The following ST7 variants were observed in gnomAD, a reference collection of about 807,000 sequenced individuals.
ST7 encodes suppression of tumorigenicity 7.
In ST7, 28 loss-of-function variants were observed where a neutral mutation model predicts 78.7. The ratio of observed to expected loss-of-function variants is 0.36; its 90% CI spans 0.26 to 0.49. The LOEUF (loss-of-function observed/expected upper bound fraction) is 0.49. ST7 is among the 20% of genes least tolerant of loss of function. The pLI, the probability that ST7 is intolerant of heterozygous loss-of-function variation, is 0.99. For synonymous variants in ST7, 247 were observed against 249.6 expected, an observed-to-expected ratio of 0.99 and a Z score of 0.10; for missense variants, 418 against 696.0, an observed-to-expected ratio of 0.60 and a Z score of 4.49.
At chr7:117,204,682 A>C (rs1264467998) in intron 12 of ST7, among the ~76,000 whole-genome samples, 3 of 152,116 alleles carry the variant, frequency 2.0e-5, no homozygotes, top group Admixed American at 6.6e-5. Flanking sequence ...TTATTCTCAG[A>C]ACTCCTTATT....
chr7:117,093,529 G>T lies in ST7; in HGVS notation c.152-6233G>T, dbSNP rs534041148. On this transcript the variant is annotated intron_variant, in intron 1 of 15. Coordinates refer to ENST00000323984, the MANE Select transcript of ST7 (RefSeq NM_001369598.1). ...TAGCCTGGTTAACATAGTGAAACCC[G>T]CATCTCTACTAAAACTTCAAAATTA... Among the ~76,000 whole-genome samples, 10 of 151,984 alleles carry T rather than the reference G, an allele frequency of 6.6e-5. 1 individual carries two copies. Among genetic ancestry groups the T allele is most frequent in the Admixed American group, 6.5e-4 (10 of 15,268 alleles).
chr7:116,978,341 G>A lies in ST7; in HGVS notation c.151+24650G>A, dbSNP rs1793797258. 2.0e-5 allele frequency among the ~76,000 whole-genome samples: 3 copies of A among 152,164 alleles called. No individual in the cohort carries two copies. In the South Asian group the frequency reaches 6.2e-4, roughly 32 times the overall value. On this transcript the variant is annotated intron_variant, in intron 1 of 15. Coordinates refer to ENST00000323984, the MANE Select transcript of ST7 (RefSeq NM_001369598.1). Reference sequence around the variant, plus strand: ...ACCAGCTTCCACAGGATTTGGAGAGGATGTATTCTACTTCTGGTATCTTAG... The same window carrying A: ...ACCAGCTTCCACAGGATTTGGAGAGAATGTATTCTACTTCTGGTATCTTAG...
intron 15 of ST7, among the ~76,000 whole-genome samples, chr7:117,227,586 C>T (rs927009011): frequency 6.6e-6 from 1 of 152,092 alleles, no homozygotes; most frequent in African/African-American, 2.4e-5. Flanking sequence ...TATGTATGTA[C>T]ACATATTATG....
At chr7:117,129,748 T>G in intron 3 of ST7, 45 bp from the exon 4 acceptor site, 1 of 1,466,976 alleles carries the variant, frequency 6.8e-7, no homozygotes, top group South Asian at 1.1e-5. Flanking sequence ...GCTTGTAGTG[T>G]CACTGAACTT....
chr7:117,217,288 G>GAAA lies in ST7; in HGVS notation c.1406-1787_1406-1785dup, dbSNP rs769471735. Among the ~76,000 whole-genome samples the GAAA allele has an allele frequency of 2.0e-4, 25 of 126,564 alleles. 1 individual carries two copies. The highest frequency in any genetic ancestry group is 7.2e-4 in the African/African-American group (25 of 34,768). The allele number at this position is 126,564 out of a possible 152,430, so 83.0% of individuals were successfully genotyped here. A position where few individuals can be genotyped will look rare whatever the true frequency, so the allele number is the denominator to read the frequency against. Reference sequence around the variant, plus strand: ...TTGCACATGGAGAATCTGGATTTGGGAAAAAAAAAAACAAAAAAAAAAACT... The same window carrying GAAA: ...TTGCACATGGAGAATCTGGATTTGGGAAAAAAAAAAAAAACAAAAAAAAAAACT... On this transcript the variant is annotated intron_variant, in intron 13 of 15. Coordinates refer to ENST00000323984, the MANE Select transcript of ST7 (RefSeq NM_001369598.1).
At chr7:117,213,985 G>C (rs187652399) in intron 13 of ST7, among the ~76,000 whole-genome samples, 1 of 152,184 alleles carries the variant, frequency 6.6e-6, no homozygotes, top group Admixed American at 6.5e-5. Flanking sequence ...CACCTATGGG[G>C]CCCTATTTTA....
At chr7:116,958,248 C>G (rs1370908606) in intron 1 of ST7, among the ~76,000 whole-genome samples, 1 of 151,088 alleles carries the variant, frequency 6.6e-6, no homozygotes, top group Non-Finnish European at 1.5e-5. Context: ...CTGCCTCCAC[C>G]TCCCAAAGTG....
intron 14 of ST7, among the ~76,000 whole-genome samples, chr7:117,220,388 A>C (rs1276412410): frequency 2.0e-5 from 3 of 152,236 alleles, no homozygotes. Context: ...ATTTGATTTC[A>C]GAAATCCTCA....
At position 117,130,996 on chromosome 7, in the gene ST7, A is replaced by G. The variant is rs978270122; in HGVS notation, c.565+390A>G. On this transcript the variant is annotated intron_variant, in intron 5 of 15. Transcript: ENST00000323984. ...GATGATTAATGAATATATTTTAGTG[A>G]CTTTTATTTGCCTATTTATAGGTTA... Among the ~76,000 whole-genome samples, 3 of 151,810 alleles carry G rather than the reference A, an allele frequency of 2.0e-5. No individual in the cohort carries two copies. The South Asian group carries it at 6.2e-4, about 31-fold the overall frequency.
At chr7:117,209,714 C>G in intron 12 of ST7, 73 bp from the exon 13 acceptor site, 2 of 1,523,668 alleles carry the variant, frequency 1.3e-6, no homozygotes, top group Non-Finnish European at 1.8e-6. Context: ...GGGAAATCAA[C>G]TGCTCTATTT....
At chr7:117,033,054 A>G (rs1308168246) in intron 1 of ST7, among the ~76,000 whole-genome samples, 4 of 152,198 alleles carry the variant, frequency 2.6e-5, no homozygotes, top group African/African-American at 9.6e-5. Flanking sequence ...AATGGGGATA[A>G]TATTAACCTC....
At chr7:117,101,967 C>T (rs537421319) in intron 2 of ST7, among the ~76,000 whole-genome samples, 6 of 152,274 alleles carry the variant, frequency 3.9e-5, no homozygotes, top group East Asian at 3.9e-4. Context: ...TATACCATGT[C>T]GCCTCTTAAA....
At position 116,960,468 on chromosome 7, in the gene ST7, C is replaced by T. The variant is rs773375130; in HGVS notation, c.151+6777C>T. Reference sequence around the variant, plus strand: ...CCTCCCAGAGTGCTGGAATTCTAGGCGTGAGCCACTGCAGACACATAAAAT... The same window carrying T: ...CCTCCCAGAGTGCTGGAATTCTAGGTGTGAGCCACTGCAGACACATAAAAT... On this transcript the variant is annotated intron_variant, in intron 1 of 15. Coordinates refer to ENST00000323984, the MANE Select transcript of ST7 (RefSeq NM_001369598.1). 8.5e-5 allele frequency among the ~76,000 whole-genome samples: 13 copies of T among 152,270 alleles called. No individual in the cohort carries two copies. In the East Asian group the frequency reaches 1.7e-3, roughly 20 times the overall value.
intron 1 of ST7, among the ~76,000 whole-genome samples, chr7:116,987,884 C>T (rs886432285): frequency 2.0e-5 from 3 of 152,128 alleles, no homozygotes; most frequent in Non-Finnish European, 4.4e-5. Flanking sequence ...CCACCATGCC[C>T]GACTACTAAT....
chr7:116,965,954 T>C (rs1195405203), intron 1 of ST7: 3 of 328,964 alleles, frequency 9.1e-6, no homozygotes, highest in Non-Finnish European at 1.9e-5. Context: ...TGTAGTTGTA[T>C]AGTAGTGGTC....
chr7:117,203,547 C>G (rs1245196378), intron 12 of ST7, among the ~76,000 whole-genome samples: 5 of 152,094 alleles, frequency 3.3e-5, no homozygotes, highest in Non-Finnish European at 5.9e-5. Flanking sequence ...TTGGAATCCC[C>G]CCTCCTCATT....
chr7:117,229,510 G>A (rs1380541972), intron 15 of ST7, among the ~76,000 whole-genome samples: 2 of 152,196 alleles, frequency 1.3e-5, no homozygotes, highest in Non-Finnish European at 2.9e-5. Context: ...TCAGGACTGT[G>A]GGCCACCTGT....
rs941039079 is a variant in ST7 at position 117,024,284 on chromosome 7, G to A, written c.151+70593G>A. ...TGAGGAAAACTGATTTTGCACTGCT[G>A]ACATCTGGTTACATCCTCCTTGATA... is the stretch of plus-strand genomic sequence containing the variant. On this transcript the variant is annotated intron_variant, in intron 1 of 15. Transcript: ENST00000323984. 1.3e-4 allele frequency among the ~76,000 whole-genome samples: 20 copies of A among 152,216 alleles called. No homozygotes were observed. In the East Asian group the frequency reaches 3.7e-3, roughly 28 times the overall value.
At chr7:117,208,271 G>A (rs1791960995) in intron 12 of ST7, among the ~76,000 whole-genome samples, 1 of 152,164 alleles carries the variant, frequency 6.6e-6, no homozygotes, top group Non-Finnish European at 1.5e-5. Flanking sequence ...TAGAACTCAT[G>A]TTTGAGGAGT....
Sources: gnomAD v4.1 joint callset for allele counts (sites outside exome capture counted in the v4.1 genomes callset) on GRCh38, gnomAD v4.1.1 for gene constraint, MANE v1.5 for transcripts, NCBI Gene and HGNC (gene_info 2026-07-23, HGNC 2026-07-21) for gene names.